Variants in AUTS2 observed in about 807,000 individuals in gnomAD.
AUTS2 encodes the protein activator of transcription and developmental regulator AUTS2.
Under a neutral mutation model 112.4 loss-of-function variants are expected in AUTS2, and 17 were observed. The ratio of observed to expected loss-of-function variants is 0.15; its 90% CI spans 0.10 to 0.23. AUTS2 has a LOEUF of 0.23. AUTS2 is among the 10% of genes least tolerant of loss of function. AUTS2 has a pLI of 1.00. For synonymous variants in AUTS2, 751 were observed against 702.7 expected (o/e 1.07, Z -1.09); for missense variants, 1,510 against 1,701.6 (o/e 0.89, Z 1.98).
intron 5 of AUTS2, among the ~76,000 whole-genome samples, chr7:70,643,852 G>C (rs1805995010): frequency 6.6e-6 from 1 of 152,140 alleles, no homozygotes; most frequent in Admixed American, 6.5e-5. Flanking sequence ...AGTCTCCCCA[G>C]ACTCTTCCTT....
intron 1 of AUTS2, among the ~76,000 whole-genome samples, chr7:69,676,754 G>T (rs1470480047): frequency 6.6e-6 from 1 of 151,688 alleles, no homozygotes; most frequent in Non-Finnish European, 1.5e-5. Context: ...TTTTTCAGTG[G>T]ATAGGCTCCC....
chr7:70,717,014 TATTACTG>T (rs1563148777), intron 6 of AUTS2, among the ~76,000 whole-genome samples: 20 of 72,292 alleles, frequency 2.8e-4, no homozygotes, highest in Non-Finnish European at 2.7e-4. Flanking sequence ...TTTTTTTTTT[TATTACTG>T]TTTAAGCCTT....
At chr7:70,599,062 TC>T (rs1446114603) in intron 5 of AUTS2, among the ~76,000 whole-genome samples, 1 of 152,250 alleles carries the variant, frequency 6.6e-6, no homozygotes, top group Non-Finnish European at 1.5e-5. Flanking sequence ...CTTTCATCTT[TC>T]TTCCCACCGT....
At chr7:70,018,571 C>G (rs189728849) in intron 2 of AUTS2, among the ~76,000 whole-genome samples, 6 of 152,292 alleles carry the variant, frequency 3.9e-5, no homozygotes, top group Admixed American at 1.3e-4. Flanking sequence ...ACTGTTTTCT[C>G]TGTAAAAGAG....
intron 1 of AUTS2, among the ~76,000 whole-genome samples, chr7:69,813,856 TG>T (rs1790647575): frequency 6.6e-6 from 1 of 152,204 alleles, no homozygotes; most frequent in Non-Finnish European, 1.5e-5. Flanking sequence ...ACTTAGACTC[TG>T]GGTGTGAACT....
rs77281324 is a variant in AUTS2, at chr7:69,721,094, A to G, written c.309+121132A>G. On this transcript the variant is annotated intron_variant, in intron 1 of 18. Transcript: ENST00000342771. The stretch of plus-strand genomic sequence containing the variant: ...GCAGCAAGGAACATTAATGAAGGAG[A>G]TGAAGAATGACCAGGGTCAGTTTTT... Among the ~76,000 whole-genome samples, 444 of 152,286 alleles carry G rather than the reference A, an allele frequency of 2.9e-3. 5 individuals are homozygous for G. Among genetic ancestry groups the G allele is most frequent in the African/African-American group, 0.01 (430 of 41,560 alleles).
chr7:70,552,639 C>G (rs1801061591), intron 5 of AUTS2, among the ~76,000 whole-genome samples: 1 of 152,158 alleles, frequency 6.6e-6, no homozygotes, highest in Admixed American at 6.5e-5. Context: ...ATGGCCCTTC[C>G]TGCCTAATGA....
At chr7:70,786,431 C>T (rs1301480652) in intron 17 of AUTS2, among the ~76,000 whole-genome samples, 1 of 152,122 alleles carries the variant, frequency 6.6e-6, no homozygotes, top group Non-Finnish European at 1.5e-5. Flanking sequence ...TTGAAAAAAG[C>T]ACAATGAAAA....
intron 4 of AUTS2, among the ~76,000 whole-genome samples, chr7:70,390,334 A>G (rs1793796586): frequency 6.6e-6 from 1 of 152,166 alleles, no homozygotes; most frequent in Admixed American, 6.5e-5. Flanking sequence ...GTGTCTTTTT[A>G]GAAAGGTGAT....
At chr7:69,924,283 C>G (rs1795922570) in intron 2 of AUTS2, among the ~76,000 whole-genome samples, 1 of 151,856 alleles carries the variant, frequency 6.6e-6, no homozygotes, top group Admixed American at 6.6e-5. Flanking sequence ...TTGGTAAACT[C>G]TATTTAGTCA....
intron 2 of AUTS2, among the ~76,000 whole-genome samples, chr7:70,038,686 T>C (rs1464615644): frequency 6.6e-6 from 1 of 152,068 alleles, no homozygotes; most frequent in Non-Finnish European, 1.5e-5. Flanking sequence ...TGCTATGAAA[T>C]AGACCCAATT....
chr7:69,843,138 C>A (rs1290552979), intron 1 of AUTS2, among the ~76,000 whole-genome samples: 1 of 152,196 alleles, frequency 6.6e-6, no homozygotes, highest in Middle Eastern at 3.4e-3. Flanking sequence ...AGGATAGGAT[C>A]CATACCTGAA....
chr7:69,635,661 C>A (rs527768184), intron 1 of AUTS2, among the ~76,000 whole-genome samples: 1 of 152,180 alleles, frequency 6.6e-6, no homozygotes, highest in African/African-American at 2.4e-5. Context: ...GAGAGGAACA[C>A]ATCATTTTCT....
chr7:70,203,344 TA>T (rs1229996091), intron 4 of AUTS2, among the ~76,000 whole-genome samples: 43 of 110,550 alleles, frequency 3.9e-4, no homozygotes, highest in Middle Eastern at 5.4e-3. Context: ...TAGAGTATAA[TA>T]AAAAAAAAAA....
intron 3 of AUTS2, among the ~76,000 whole-genome samples, chr7:70,132,477 C>G (rs942300056): frequency 3.3e-5 from 5 of 152,126 alleles, no homozygotes; most frequent in Admixed American, 3.3e-4. Flanking sequence ...GAAAACACAG[C>G]ATAACAAATG....
chr7:70,082,899 A>G (rs756430284), intron 2 of AUTS2, among the ~76,000 whole-genome samples: 2 of 152,178 alleles, frequency 1.3e-5, no homozygotes, highest in Non-Finnish European at 2.9e-5. Flanking sequence ...TTTCCCATCT[A>G]TCCAGTCAAC....
chr7:69,880,918 GTC>G (rs1794014828), intron 1 of AUTS2, among the ~76,000 whole-genome samples: 1 of 152,196 alleles, frequency 6.6e-6, no homozygotes, highest in Non-Finnish European at 1.5e-5. Flanking sequence ...CCTTGTCACT[GTC>G]TCTAGAATTA....
chr7:70,160,899 A>G (rs551589915), intron 4 of AUTS2, among the ~76,000 whole-genome samples: 1 of 152,312 alleles, frequency 6.6e-6, no homozygotes, highest in South Asian at 2.1e-4. Context: ...CCAGGCTCAA[A>G]ATACTACTAA....
At chr7:70,125,247 G>T (rs1189822795) in intron 3 of AUTS2, among the ~76,000 whole-genome samples, 3 of 53,204 alleles carry the variant, frequency 5.6e-5, no homozygotes, top group East Asian at 1.0e-3. Flanking sequence ...ATTTGGAGAT[G>T]TGTGTGTGTG....
Sources: gnomAD v4.1 joint callset for allele counts (sites outside exome capture counted in the v4.1 genomes callset) on GRCh38, gnomAD v4.1.1 for gene constraint, MANE v1.5 for transcripts, NCBI Gene and HGNC (gene_info 2026-07-23, HGNC 2026-07-21) for gene names.